Variants in NCAPG2 observed in about 807,000 individuals in gnomAD.
The protein encoded by NCAPG2 is condensin-2 complex subunit G2.
NCAPG2 carries 53 observed loss-of-function variants against 141.1 expected under a neutral mutation model. That is an observed-to-expected ratio of 0.38 (90% confidence interval 0.30 to 0.47). The LOEUF (loss-of-function observed/expected upper bound fraction) is 0.47. Among genes scored for constraint, NCAPG2 ranks in the 20% least tolerant of loss-of-function variants. The pLI is 0.99. For synonymous variants in NCAPG2, 499 were observed against 490.7 expected (o/e 1.02, Z -0.22); for missense variants, 1,087 against 1,389.0 (o/e 0.78, Z 3.46).
In NCAPG2 at chr7:158,662,459, A is replaced by C. The variant is rs576916066; in HGVS notation, c.1816-92T>G. The C allele has an allele frequency of 1.2e-5, 14 of 1,150,382 alleles. No individual in the cohort carries two copies. The South Asian group carries it at 2.6e-4, about 21-fold the overall frequency. The allele number at this position is 1,150,382 out of a possible 1,614,324, so 71.3% of individuals were successfully genotyped here. On this transcript the variant is annotated intron_variant, in intron 15 of 27. Transcript: ENST00000356309. The stretch of plus-strand genomic sequence containing the variant: ...TCAGAATTAGAGCTCTAAAGCAAAA[A>C]TGTAGAGAACATCCGTCTTACTTTC...
At position 158,663,651 on chromosome 7, in the gene NCAPG2, T is replaced by C. The variant is rs377294872; in HGVS notation, c.1815+533A>G. 4.2e-4 allele frequency among the ~76,000 whole-genome samples: 64 copies of C among 152,366 alleles called. 2 individuals carry two copies. Among genetic ancestry groups the C allele is most frequent in the South Asian group, 3.9e-3 (19 of 4,828 alleles). On this transcript the variant is annotated intron_variant, in intron 15 of 27. Transcript: ENST00000356309. ...GCAAACTGTGTTTTGTGATTTCCTT[T>C]TAAAGTCTAGTTTCTTAATGTAGTG...
At chr7:158,647,583 T>C (rs3793177) in intron 24 of NCAPG2, among the ~76,000 whole-genome samples, 85,904 of 152,048 alleles carry the variant, frequency 0.56, 24,741 homozygotes, top group Non-Finnish European at 0.61. Flanking sequence ...TTTCCACCTG[T>C]AATAGCTGAG....
intron 2 of NCAPG2, among the ~76,000 whole-genome samples, chr7:158,697,476 C>T (rs1381172174): frequency 2.0e-5 from 3 of 151,994 alleles, no homozygotes; most frequent in Non-Finnish European, 4.4e-5. Flanking sequence ...TGGCGTGTGC[C>T]TGTAATCTCA....
Position 158,671,675 on chromosome 7 carries a change from G to A in NCAPG2, c.1327-9C>T. 6.2e-7 allele frequency: 1 copy of A among 1,613,016 alleles called. No homozygotes were observed. Among genetic ancestry groups the A allele is most frequent in the African/African-American group, 1.3e-5 (1 of 75,022 alleles). ...AAAATCATTGGCAGACACTGCAACA[G>A]AGAGAAAGATAAACAATTCAAAATC... is the stretch of plus-strand genomic sequence containing the variant. On this transcript the variant is annotated splice_polypyrimidine_tract_variant and intron_variant, in intron 12 of 27. Transcript: ENST00000356309.
chr7:158,656,061 G>A (rs549652045), intron 19 of NCAPG2, among the ~76,000 whole-genome samples, 199 bp downstream of exon 19: 50 of 152,332 alleles, frequency 3.3e-4, no homozygotes, highest in Middle Eastern at 3.4e-3. Flanking sequence ...TTCTGAACAC[G>A]TGTCAACTGG....
Position 158,645,553 on chromosome 7 carries a change from C to G in NCAPG2, c.3246G>C (p.Thr1082=). The part of the protein sequence containing the change: ...SNDIEGIVCL[T]AAVHIILVIN... Reference sequence around the variant, plus strand: ...TAACCAGGATAATATGCACAGCAGCCGTGAGGCACACAATGCCTTCAATAT... The same window carrying G: ...TAACCAGGATAATATGCACAGCAGCGGTGAGGCACACAATGCCTTCAATAT... The change falls in exon 26 of 28, where the codon ACG becomes ACC. Residue 1082 remains threonine, a synonymous_variant. Transcript: ENST00000356309. The G allele has an allele frequency of 6.2e-7, 1 of 1,614,180 alleles. No homozygotes were observed. The highest frequency in any genetic ancestry group is 8.5e-7 in the Non-Finnish European group (1 of 1,180,020).
At position 158,631,337 on chromosome 7, in the gene NCAPG2, A is replaced by G. The variant is rs1327287944; in HGVS notation, c.*329T>C. The G allele has an allele frequency of 3.5e-6, 1 of 282,860 alleles. No individual in the cohort carries two copies. Among genetic ancestry groups the G allele is most frequent in the East Asian group, 9.4e-5 (1 of 10,656 alleles). The allele number at this position is 282,860 out of a possible 1,614,324, so 17.5% of individuals were successfully genotyped here. ...ATGTTGTCATTGCTTTATTACTCAT[A>G]GTTTCCAAGCAATATTACATATATA... On this transcript the variant is annotated 3_prime_UTR_variant, in exon 28 of 28. Transcript: ENST00000356309.
At chr7:158,648,367 C>T (rs1831186334) in intron 24 of NCAPG2, among the ~76,000 whole-genome samples, 1 of 150,100 alleles carries the variant, frequency 6.7e-6, no homozygotes, top group South Asian at 2.1e-4. Flanking sequence ...GTAGTAAAAA[C>T]AATTCATCAT....
rs1832013745 is a variant in NCAPG2, at chr7:158,656,783, A to G, written c.2061-78T>C. On this transcript the variant is annotated intron_variant, in intron 17 of 27. Transcript: ENST00000356309. ...ACTTTGTCAAAAGGTGAGGAAAACC[A>G]AGAAGCTAAAATCTGACGGTGCATA... The G allele has an allele frequency of 1.6e-5, 24 of 1,508,184 alleles. 1 individual carries two copies. Among genetic ancestry groups the G allele is most frequent in the Non-Finnish European group, 2.2e-5 (24 of 1,114,792 alleles). The allele number at this position is 1,508,184 out of a possible 1,614,324, so 93.4% of individuals were successfully genotyped here.
At chr7:158,693,897 C>G (rs1835279300) in intron 2 of NCAPG2, among the ~76,000 whole-genome samples, 2 of 152,244 alleles carry the variant, frequency 1.3e-5, no homozygotes, top group South Asian at 4.1e-4. Flanking sequence ...TTCTCTCCCA[C>G]CAGCCAACAA....
intron 6 of NCAPG2, among the ~76,000 whole-genome samples, chr7:158,687,874 C>T (rs1209215387): frequency 6.6e-6 from 1 of 152,174 alleles, no homozygotes; most frequent in East Asian, 1.9e-4. Context: ...AAACTGAGGA[C>T]TCATATAGTT....
chr7:158,653,733 G>T (rs1266732544), intron 22 of NCAPG2, among the ~76,000 whole-genome samples: 2 of 152,222 alleles, frequency 1.3e-5, no homozygotes, highest in Admixed American at 6.5e-5. Context: ...TTTACTAAAT[G>T]TTATCATTTT....
chr7:158,671,684 A>G lies in NCAPG2; in HGVS notation c.1327-18T>C. 6.2e-7 allele frequency: 1 copy of G among 1,610,982 alleles called. No homozygotes were observed. The highest frequency in any genetic ancestry group is 8.5e-7 in the Non-Finnish European group (1 of 1,178,540). On this transcript the variant is annotated intron_variant, in intron 12 of 27. Transcript: ENST00000356309. ...GGCAGACACTGCAACAGAGAGAAAG[A>G]TAAACAATTCAAAATCAGAACATGC...
At chr7:158,660,207 A>T (rs1234162961) in intron 16 of NCAPG2, among the ~76,000 whole-genome samples, 3 of 152,004 alleles carry the variant, frequency 2.0e-5, no homozygotes, top group Non-Finnish European at 4.4e-5. Flanking sequence ...AGAAGGAAGC[A>T]ATTTTCCTTA....
chr7:158,677,538 A>AAAAAAAAAAAAAC (rs1834162313), intron 11 of NCAPG2, among the ~76,000 whole-genome samples: 3 of 151,188 alleles, frequency 2.0e-5, no homozygotes, highest in Non-Finnish European at 3.0e-5. Context: ...AAAAAAAAAA[A>AAAAAAAAAAAAAC]AAAAAAAAAA....
intron 13 of NCAPG2, chr7:158,668,533 T>G (rs1255867766): frequency 1.4e-6 from 1 of 714,748 alleles, no homozygotes; most frequent in East Asian, 1.3e-4. Flanking sequence ...GGAATTTATT[T>G]CAAAATAGTC....
chr7:158,672,101 G>A (rs760225416), intron 12 of NCAPG2, among the ~76,000 whole-genome samples: 3 of 151,718 alleles, frequency 2.0e-5, no homozygotes, highest in Non-Finnish European at 2.9e-5. Context: ...TGACTCGAAC[G>A]CACTCTCGGC....
chr7:158,660,604 C>T (rs4909251), intron 16 of NCAPG2, among the ~76,000 whole-genome samples: 83,761 of 151,318 alleles, frequency 0.55, 23,649 homozygotes, highest in Non-Finnish European at 0.61. Flanking sequence ...TTTGTAGAAA[C>T]GAGGTCTCAC....
chr7:158,686,829 A>G (rs1000829246), intron 7 of NCAPG2, among the ~76,000 whole-genome samples: 1 of 152,148 alleles, frequency 6.6e-6, no homozygotes, highest in African/African-American at 2.4e-5. Flanking sequence ...CTCAAAAGAG[A>G]GTTGTGAGGA....
Sources: allele counts gnomAD v4.1 joint callset (sites outside exome capture counted in the v4.1 genomes callset), GRCh38; gene constraint gnomAD v4.1.1; transcripts MANE v1.5; gene names NCBI Gene and HGNC (gene_info 2026-07-23, HGNC 2026-07-21).